FMN1: variants seen among roughly 807,000 people sequenced by gnomAD.
FMN1 encodes the protein formin-1.
In FMN1, 110 loss-of-function variants were observed where a neutral mutation model predicts 132.4. That is an observed-to-expected ratio of 0.83 (90% CI 0.71 to 0.97). The LOEUF is 0.97. Among genes scored for constraint, FMN1 ranks in the 50% least tolerant of loss-of-function variants. The pLI is 0.00. For missense variants in FMN1, 1,792 were observed against 1,705.3 expected, an observed-to-expected ratio of 1.05 and a Z score of -0.90; for synonymous variants, 722 against 651.7, an observed-to-expected ratio of 1.11 and a Z score of -1.64.
intron 4 of FMN1, among the ~76,000 whole-genome samples, chr15:33,091,164 G>GT (rs1241772034): frequency 2.6e-5 from 4 of 152,128 alleles, no homozygotes. Context: ...AACACCTGAG[G>GT]TAAGACATTT....
At chr15:33,112,263 T>A (rs1443802889) in intron 4 of FMN1, among the ~76,000 whole-genome samples, 1 of 149,452 alleles carries the variant, frequency 6.7e-6, no homozygotes, top group Non-Finnish European at 1.5e-5. Context: ...CATTAGAAGT[T>A]TGAAATAATG....
At chr15:32,885,803 C>T (rs983021495) in intron 16 of FMN1, among the ~76,000 whole-genome samples, 4 of 146,980 alleles carry the variant, frequency 2.7e-5, no homozygotes, top group Non-Finnish European at 1.5e-5. Flanking sequence ...TGTGTTAATA[C>T]TATTTTTTTT....
At chr15:32,953,864 T>C (rs2061706228) in intron 9 of FMN1, among the ~76,000 whole-genome samples, 1 of 152,222 alleles carries the variant, frequency 6.6e-6, no homozygotes, top group Admixed American at 6.5e-5. Flanking sequence ...TGGTTTGCAG[T>C]ATATCCCATG....
intron 4 of FMN1, among the ~76,000 whole-genome samples, chr15:33,110,058 A>C (rs755097652): frequency 2.0e-5 from 3 of 152,092 alleles, no homozygotes; most frequent in Non-Finnish European, 4.4e-5. Flanking sequence ...ATTGAATAAA[A>C]TTTGGAGAAA....
At chr15:33,021,839 A>T (rs2035432198) in intron 6 of FMN1, among the ~76,000 whole-genome samples, 2 of 152,194 alleles carry the variant, frequency 1.3e-5, no homozygotes, top group South Asian at 4.1e-4. Context: ...GGTCCCTAAA[A>T]CTTACAATCT....
At chr15:33,119,715 C>T (rs1035706341) in intron 4 of FMN1, among the ~76,000 whole-genome samples, 1 of 152,158 alleles carries the variant, frequency 6.6e-6, no homozygotes, top group Non-Finnish European at 1.5e-5. Context: ...TTTGAATCAT[C>T]TCTCAAAACT....
intron 16 of FMN1, among the ~76,000 whole-genome samples, chr15:32,862,621 A>G (rs1399593079): frequency 1.3e-5 from 2 of 152,250 alleles, no homozygotes; most frequent in Admixed American, 1.3e-4. Context: ...AAGGGAATAA[A>G]GCTTATTAAG....
chr15:33,002,515 A>T (rs1272844984), intron 7 of FMN1, among the ~76,000 whole-genome samples: 1 of 152,156 alleles, frequency 6.6e-6, no homozygotes. Flanking sequence ...ATGCCAAACC[A>T]GTTGTCTCAT....
chr15:32,860,288 G>A (rs1037852890), intron 16 of FMN1, among the ~76,000 whole-genome samples: 1 of 151,740 alleles, frequency 6.6e-6, no homozygotes, highest in Non-Finnish European at 1.5e-5. Context: ...AGGAAGAAAG[G>A]GAAAAGTAGA....
chr15:32,888,061 G>T, intron 16 of FMN1, 111 bp downstream of exon 16: 1 of 866,752 alleles, frequency 1.2e-6, no homozygotes, highest in Non-Finnish European at 1.7e-6. Flanking sequence ...GTGTACCATT[G>T]CTGAACTCTG....
chr15:32,973,405 C>A (rs2031944427), intron 7 of FMN1, among the ~76,000 whole-genome samples: 1 of 152,128 alleles, frequency 6.6e-6, no homozygotes, highest in Non-Finnish European at 1.5e-5. Context: ...GGGCAGATTA[C>A]CAGGCACAGA....
intron 6 of FMN1, among the ~76,000 whole-genome samples, chr15:33,049,603 T>C (rs1467761012): frequency 6.6e-6 from 1 of 152,234 alleles, no homozygotes; most frequent in Non-Finnish European, 1.5e-5. Flanking sequence ...AAGTTTAGTC[T>C]AAAGCTACCT....
chr15:32,997,016 G>A (rs891371850), intron 7 of FMN1, among the ~76,000 whole-genome samples: 6 of 152,328 alleles, frequency 3.9e-5, no homozygotes, highest in African/African-American at 1.4e-4. Flanking sequence ...CTGCATAGAA[G>A]TCTAGCCACA....
At chr15:32,923,198 C>T (rs763885616) in intron 10 of FMN1, among the ~76,000 whole-genome samples, 1 of 152,190 alleles carries the variant, frequency 6.6e-6, no homozygotes, top group African/African-American at 2.4e-5. Context: ...TCTTGCCAGG[C>T]GGCCAGCTGG....
At chr15:32,884,300 TTTTCCACTTCTAGAGGC>T (rs1287099833) in intron 16 of FMN1, among the ~76,000 whole-genome samples, 2 of 152,178 alleles carry the variant, frequency 1.3e-5, no homozygotes, top group Non-Finnish European at 2.9e-5. Context: ...GTTCCTTGCC[TTTTCCACTTCTAGAGGC>T]TTCCCACATT....
chr15:33,015,675 ATTG>A (rs967115467), intron 6 of FMN1, among the ~76,000 whole-genome samples: 7 of 150,980 alleles, frequency 4.6e-5, no homozygotes, highest in African/African-American at 1.7e-4. Context: ...ACTACCTCAC[ATTG>A]TTGTATTTTC....
intron 17 of FMN1, among the ~76,000 whole-genome samples, chr15:32,812,509 C>T (rs966870674): frequency 3.3e-5 from 5 of 152,202 alleles, no homozygotes; most frequent in Non-Finnish European, 7.3e-5. Flanking sequence ...ATACATAGAG[C>T]TTGAAGGTAA....
chr15:33,134,562 G>C (rs1963682953), intron 4 of FMN1, among the ~76,000 whole-genome samples: 1 of 152,192 alleles, frequency 6.6e-6, no homozygotes, highest in Non-Finnish European at 1.5e-5. Flanking sequence ...AACAGTAGTC[G>C]ATTGGGGTAG....
At chr15:32,834,691 C>T (rs750974489) in intron 17 of FMN1, among the ~76,000 whole-genome samples, 32 of 152,214 alleles carry the variant, frequency 2.1e-4, no homozygotes, top group South Asian at 6.2e-4. Context: ...TAAGACAAGG[C>T]AGCAGCAGCA....
Sources: allele counts gnomAD v4.1 joint callset (sites outside exome capture counted in the v4.1 genomes callset), GRCh38; gene constraint gnomAD v4.1.1; transcripts MANE v1.5; gene names NCBI Gene and HGNC (gene_info 2026-07-23, HGNC 2026-07-21).